The following MED12L variants were observed in gnomAD, a reference collection of about 807,000 sequenced individuals.
The protein encoded by MED12L is mediator complex subunit 12L.
A neutral mutation model predicts 281.3 loss-of-function variants in MED12L; 60 were observed. The ratio of observed to expected loss-of-function variants is 0.21; its 90% CI spans 0.17 to 0.26. The LOEUF is 0.26. MED12L is among the 10% of genes least tolerant of loss of function. The pLI is 1.00. For missense variants in MED12L, 2,146 were observed against 2,680.9 expected, an observed-to-expected ratio of 0.80 and a Z score of 4.41; for synonymous variants, 974 against 987.2, an observed-to-expected ratio of 0.99 and a Z score of 0.25.
At chr3:151,311,674 C>G (rs1365124599) in intron 16 of MED12L, among the ~76,000 whole-genome samples, 8 of 152,104 alleles carry the variant, frequency 5.3e-5, no homozygotes, top group Non-Finnish European at 1.2e-4. Flanking sequence ...TTACTTTGAG[C>G]CACATTCTAC....
intron 11 of MED12L, among the ~76,000 whole-genome samples, chr3:151,184,115 A>T (rs538619004): frequency 6.6e-6 from 1 of 152,230 alleles, no homozygotes; most frequent in Non-Finnish European, 1.5e-5. Context: ...CCTTTGAGGT[A>T]TCTGCCTCAG....
At chr3:151,183,679 A>T (rs541579337) in intron 11 of MED12L, among the ~76,000 whole-genome samples, 1 of 152,270 alleles carries the variant, frequency 6.6e-6, no homozygotes, top group African/African-American at 2.4e-5. Flanking sequence ...ATTACTGATC[A>T]CATACAGTTC....
rs564180053 is a variant in MED12L, at chr3:151,122,391, G to GATTACTA, written c.205-391_205-385dup. 3.2e-3 allele frequency among the ~76,000 whole-genome samples: 495 copies of GATTACTA among 152,316 alleles called. 1 individual carries two copies. Among genetic ancestry groups the GATTACTA allele is most frequent in the Middle Eastern group, 0.01 (3 of 294 alleles). ...ACAAGAAAAAGAATGATTACCGAGT[G>GATTACTA]ATTACTAGGCTTTCTCCTCTCAGGG... On this transcript the variant is annotated intron_variant, in intron 3 of 44. Coordinates refer to ENST00000687756, the MANE Select transcript of MED12L (RefSeq NM_001393769.1).
intron 16 of MED12L, among the ~76,000 whole-genome samples, chr3:151,241,162 C>T (rs539247015): frequency 6.6e-6 from 1 of 152,308 alleles, no homozygotes; most frequent in African/African-American, 2.4e-5. Context: ...TAGTGGTTTT[C>T]TCCTTGCCCT....
intron 16 of MED12L, chr3:151,328,005 T>C: frequency 6.4e-7 from 1 of 1,572,652 alleles, no homozygotes; most frequent in East Asian, 2.2e-5. Context: ...CCTAAGGTTA[T>C]GTTGTCTGTC....
In MED12L at chr3:151,107,252, T is replaced by A. The variant is rs575355179; in HGVS notation, c.100-9086T>A. ...TGATCTCCTTAGAGTTAATATTATA[T>A]CATTTCATGCAAAATATCAGAAGCT... On this transcript the variant is annotated intron_variant, in intron 2 of 44. Transcript: ENST00000687756. Among the ~76,000 whole-genome samples, 120 of 152,364 alleles carry A rather than the reference T, an allele frequency of 7.9e-4. 1 individual carries two copies. The highest frequency in any genetic ancestry group is 2.9e-3 in the African/African-American group (119 of 41,588).
intron 16 of MED12L, among the ~76,000 whole-genome samples, chr3:151,222,072 T>C (rs1031202124): frequency 6.6e-6 from 1 of 152,202 alleles, no homozygotes; most frequent in African/African-American, 2.4e-5. Flanking sequence ...AAGTTTACGA[T>C]TTGACTGTCC....
chr3:151,429,640 A>G (rs1200388630), intron 43 of MED12L, among the ~76,000 whole-genome samples: 2 of 152,162 alleles, frequency 1.3e-5, no homozygotes, highest in Non-Finnish European at 2.9e-5. Flanking sequence ...AACTTAATAG[A>G]TAGAATCAGG....
chr3:151,328,501 T>G (rs1320101430), intron 16 of MED12L: 1 of 1,613,904 alleles, frequency 6.2e-7, no homozygotes, highest in African/African-American at 1.3e-5. Flanking sequence ...ATGGTGTTGC[T>G]TCCTTGTTGC....
chr3:151,275,591 T>C (rs954454145), intron 16 of MED12L, among the ~76,000 whole-genome samples: 1 of 152,182 alleles, frequency 6.6e-6, no homozygotes, highest in Non-Finnish European at 1.5e-5. Context: ...TGTGGTAAAC[T>C]TGGTGTTTCG....
intron 16 of MED12L, among the ~76,000 whole-genome samples, chr3:151,278,827 AAG>A (rs1742332046): frequency 6.6e-6 from 1 of 152,198 alleles, no homozygotes; most frequent in South Asian, 2.1e-4. Flanking sequence ...TAACAGAATA[AAG>A]AAGTATTTTG....
chr3:151,375,941 A>G (rs556062100), intron 27 of MED12L, 85 bp from the exon 28 acceptor site: 7 of 640,060 alleles, frequency 1.1e-5, no homozygotes, highest in South Asian at 5.6e-5. Context: ...TTTCTATTCA[A>G]TTATGCACTG....
chr3:151,299,344 C>T (rs868571311), intron 16 of MED12L, among the ~76,000 whole-genome samples: 4 of 88,758 alleles, frequency 4.5e-5, no homozygotes, highest in South Asian at 3.7e-4. Flanking sequence ...TTCTTTCTTT[C>T]CTTCCTTCCT....
At chr3:151,156,851 A>G (rs1333277216) in intron 6 of MED12L, among the ~76,000 whole-genome samples, 3 of 152,058 alleles carry the variant, frequency 2.0e-5, no homozygotes, top group Admixed American at 2.0e-4. Context: ...GCTCTTAATT[A>G]CCTTATTCAT....
intron 16 of MED12L, among the ~76,000 whole-genome samples, chr3:151,309,332 T>A (rs191412914): frequency 1.3e-5 from 2 of 152,316 alleles, no homozygotes; most frequent in African/African-American, 4.8e-5. Context: ...ACCTGTATAT[T>A]TGTATTATCT....
At chr3:151,137,889 T>C (rs1279719938) in intron 5 of MED12L, among the ~76,000 whole-genome samples, 2 of 152,140 alleles carry the variant, frequency 1.3e-5, no homozygotes, top group Non-Finnish European at 2.9e-5. Flanking sequence ...TTGTTTTCCA[T>C]TTTAGGGTTT....
In MED12L at chr3:151,384,845, A is replaced by G. The variant is rs1713052719; in HGVS notation, c.4927-185A>G. 16 of 542,118 alleles carry G rather than the reference A, an allele frequency of 3.0e-5. 1 individual carries two copies. In the South Asian group the frequency reaches 3.8e-4, roughly 13 times the overall value. 33.6% of individuals were successfully genotyped at this position (542,118 alleles called of 1,614,324 possible). ...TATGTGTTCTATTTTCTACTTAAAT[A>G]GAAGAAATGAAACACTCATTGCTCT... On this transcript the variant is annotated intron_variant, in intron 35 of 44. Transcript: ENST00000687756.
At chr3:151,381,475 T>C (rs1233122512) in intron 32 of MED12L, among the ~76,000 whole-genome samples, 1 of 152,248 alleles carries the variant, frequency 6.6e-6, no homozygotes, top group African/African-American at 2.4e-5. Context: ...CCATGGTTGT[T>C]GCACTGGCCA....
chr3:151,389,885 G>A, intron 37 of MED12L, 94 bp from the exon 38 acceptor site: 1 of 1,211,990 alleles, frequency 8.3e-7, no homozygotes, highest in Non-Finnish European at 1.2e-6. Flanking sequence ...CATTGGGATA[G>A]GAGGTACCTC....
Sources: gnomAD v4.1 joint callset for allele counts (sites outside exome capture counted in the v4.1 genomes callset) on GRCh38, gnomAD v4.1.1 for gene constraint, MANE v1.5 for transcripts, NCBI Gene and HGNC (gene_info 2026-07-23, HGNC 2026-07-21) for gene names.